The following GALNTL6 variants were observed in gnomAD, a reference collection of about 807,000 sequenced individuals.
GALNTL6 encodes polypeptide N-acetylgalactosaminyltransferase like 6.
GALNTL6 carries 46 observed loss-of-function variants against 73.7 expected under a neutral mutation model. The observed-to-expected ratio is 0.62, with a 90% CI of 0.49 to 0.80. GALNTL6 has a LOEUF of 0.80. Among genes scored for constraint, GALNTL6 ranks in the 30% least tolerant of loss-of-function variants. The pLI, the probability that GALNTL6 is intolerant of heterozygous loss-of-function variation, is 0.00. For missense variants in GALNTL6, 604 were observed against 755.0 expected (o/e 0.80, Z 2.34); for synonymous variants, 259 against 263.7 (o/e 0.98, Z 0.17).
intron 5 of GALNTL6, among the ~76,000 whole-genome samples, chr4:172,808,426 G>A (rs962682819): frequency 6.6e-6 from 1 of 152,158 alleles, no homozygotes; most frequent in Non-Finnish European, 1.5e-5. Flanking sequence ...CGTTTGAAAA[G>A]TGAAAAATAC....
intron 2 of GALNTL6, among the ~76,000 whole-genome samples, chr4:172,113,641 C>A (rs1732914297): frequency 6.6e-6 from 1 of 152,032 alleles, no homozygotes; most frequent in Non-Finnish European, 1.5e-5. Flanking sequence ...ACAGCTTGAG[C>A]TGCAACAGTT....
chr4:172,968,307 A>G (rs140044521), intron 10 of GALNTL6, among the ~76,000 whole-genome samples: 5 of 152,352 alleles, frequency 3.3e-5, no homozygotes, highest in African/African-American at 1.2e-4. Context: ...GAGCCTTTCC[A>G]GAACAGGAAT....
At chr4:172,255,602 C>G (rs1377725058) in intron 3 of GALNTL6, among the ~76,000 whole-genome samples, 1 of 151,186 alleles carries the variant, frequency 6.6e-6, no homozygotes, top group African/African-American at 2.4e-5. Context: ...TATTTCTACT[C>G]TCAATAAATG....
intron 5 of GALNTL6, among the ~76,000 whole-genome samples, chr4:172,784,820 A>T (rs1281466063): frequency 6.6e-6 from 1 of 152,210 alleles, no homozygotes; most frequent in Non-Finnish European, 1.5e-5. Context: ...TCTTTGGGGT[A>T]GAAAGCTTTC....
chr4:172,967,122 G>A (rs1750367234), intron 10 of GALNTL6, among the ~76,000 whole-genome samples: 1 of 152,168 alleles, frequency 6.6e-6, no homozygotes, highest in Non-Finnish European at 1.5e-5. Flanking sequence ...ATTGACTTTA[G>A]GAGATGCAGG....
chr4:172,799,932 A>T (rs950239216), intron 5 of GALNTL6, among the ~76,000 whole-genome samples: 3 of 152,216 alleles, frequency 2.0e-5, no homozygotes, highest in Admixed American at 6.5e-5. Context: ...ATATTCATTC[A>T]GCCTTAAAAG....
At chr4:173,001,100 T>C (rs2126476456) in intron 10 of GALNTL6, among the ~76,000 whole-genome samples, 1 of 152,274 alleles carries the variant, frequency 6.6e-6, no homozygotes, top group Admixed American at 6.5e-5. Context: ...CAGCATGATA[T>C]GTTAACAAGC....
At chr4:173,033,202 A>AG in intron 12 of GALNTL6, among the ~76,000 whole-genome samples, 2 of 152,066 alleles carry the variant, frequency 1.3e-5, no homozygotes, top group East Asian at 3.9e-4. Flanking sequence ...GGGTTTCACT[A>AG]TGTTGGCCAG....
intron 7 of GALNTL6, among the ~76,000 whole-genome samples, chr4:172,814,700 A>T (rs1490838554): frequency 6.6e-6 from 1 of 152,166 alleles, no homozygotes; most frequent in Non-Finnish European, 1.5e-5. Context: ...TGAGTACGAA[A>T]ACCACTTCCT....
intron 2 of GALNTL6, among the ~76,000 whole-genome samples, chr4:171,827,733 A>G (rs565054): frequency 0.68 from 103,325 of 151,994 alleles, 37,031 homozygotes; most frequent in East Asian, 0.83. Flanking sequence ...CTATTCCAGC[A>G]TTCAAGCTGA....
chr4:172,976,246 T>G (rs558320667), intron 10 of GALNTL6, among the ~76,000 whole-genome samples: 3 of 152,364 alleles, frequency 2.0e-5, no homozygotes, highest in African/African-American at 7.2e-5. Flanking sequence ...TGTAGCAATC[T>G]AAGTTAGTCA....
chr4:171,893,892 A>T (rs988114686), intron 2 of GALNTL6, among the ~76,000 whole-genome samples: 12 of 152,174 alleles, frequency 7.9e-5, no homozygotes, highest in Admixed American at 1.3e-4. Flanking sequence ...CTGTGTTTGT[A>T]AGCCATAGTC....
intron 5 of GALNTL6, among the ~76,000 whole-genome samples, chr4:172,544,483 G>A (rs1428997425): frequency 6.6e-6 from 1 of 152,096 alleles, no homozygotes; most frequent in Non-Finnish European, 1.5e-5. Context: ...CTGCACAGTG[G>A]GGAGGTATGC....
intron 2 of GALNTL6, among the ~76,000 whole-genome samples, chr4:171,829,758 G>A (rs914725164): frequency 6.6e-6 from 1 of 151,934 alleles, no homozygotes; most frequent in African/African-American, 2.4e-5. Flanking sequence ...ATTCTCTATT[G>A]ATCAGTAAGT....
At chr4:172,367,450 G>A (rs1471278837) in intron 5 of GALNTL6, among the ~76,000 whole-genome samples, 1 of 151,616 alleles carries the variant, frequency 6.6e-6, no homozygotes, top group Admixed American at 6.6e-5. Context: ...CCTTCATAAG[G>A]CCCCTAGAAA....
rs774485050 is a variant in GALNTL6, at chr4:172,182,617, A to G, written c.139-47039A>G. 1.0e-3 allele frequency among the ~76,000 whole-genome samples: 150 copies of G among 150,380 alleles called. 1 individual carries two copies. The highest frequency in any genetic ancestry group is 3.5e-3 in the Middle Eastern group (1 of 286). On this transcript the variant is annotated intron_variant, in intron 2 of 12. Transcript: ENST00000506823. ...ATAGACAGGATATTCCACTCCCCTG[A>G]GGGAATATCCATCAAGTAGACCAAA... is the stretch of plus-strand genomic sequence containing the variant.
intron 5 of GALNTL6, among the ~76,000 whole-genome samples, chr4:172,606,630 C>CTA (rs1180203834): frequency 1.3e-3 from 50 of 37,572 alleles, no homozygotes; most frequent in Admixed American, 2.5e-3. Flanking sequence ...TATATATATA[C>CTA]TATATATATA....
At chr4:172,772,221 G>A (rs1341726979) in intron 5 of GALNTL6, among the ~76,000 whole-genome samples, 1 of 152,200 alleles carries the variant, frequency 6.6e-6, no homozygotes, top group Admixed American at 6.5e-5. Context: ...AATTCAAAAT[G>A]AGATTTGTGT....
chr4:172,775,668 T>C (rs1412296130), intron 5 of GALNTL6, among the ~76,000 whole-genome samples: 2 of 152,150 alleles, frequency 1.3e-5, no homozygotes, highest in African/African-American at 4.8e-5. Flanking sequence ...GAATTCCTTG[T>C]GTTTATGCCT....
Sources: allele counts gnomAD v4.1 joint callset (sites outside exome capture counted in the v4.1 genomes callset), GRCh38; gene constraint gnomAD v4.1.1; transcripts MANE v1.5; gene names NCBI Gene and HGNC (gene_info 2026-07-23, HGNC 2026-07-21).